DLG1: variants seen among roughly 807,000 people sequenced by gnomAD.
DLG1 encodes the protein discs large MAGUK scaffold protein 1, also known as disks large homolog 1.
DLG1 carries 42 observed loss-of-function variants against 123.4 expected under a neutral mutation model. That is an observed-to-expected ratio of 0.34 (90% CI 0.27 to 0.44). The LOEUF (loss-of-function observed/expected upper bound fraction) is 0.44. Among genes scored for constraint, DLG1 ranks in the 20% least tolerant of loss-of-function variants. DLG1 has a pLI of 1.00. For synonymous variants in DLG1, 317 were observed against 356.2 expected, an observed-to-expected ratio of 0.89 and a Z score of 1.24; for missense variants, 942 against 1,082.6, an observed-to-expected ratio of 0.87 and a Z score of 1.82.
chr3:197,104,316 A>G (rs1765147112), intron 14 of DLG1, among the ~76,000 whole-genome samples: 1 of 152,216 alleles, frequency 6.6e-6, no homozygotes, highest in African/African-American at 2.4e-5. Flanking sequence ...TTAAAAAAGT[A>G]AACAGTTAAA....
intron 19 of DLG1, among the ~76,000 whole-genome samples, chr3:197,067,683 A>C (rs950684887): frequency 6.7e-6 from 1 of 149,026 alleles, no homozygotes; most frequent in East Asian, 2.0e-4. Flanking sequence ...TCAGCCTCCC[A>C]AGTAGCTGGG....
chr3:197,081,556 T>C (rs750732039), intron 16 of DLG1, among the ~76,000 whole-genome samples: 5 of 152,252 alleles, frequency 3.3e-5, no homozygotes, highest in Admixed American at 6.5e-5. Context: ...GTTCACTGTA[T>C]ATTGCCGTTT....
At chr3:197,157,426 AG>A (rs1249915165) in intron 5 of DLG1, among the ~76,000 whole-genome samples, 2 of 152,242 alleles carry the variant, frequency 1.3e-5, no homozygotes, top group Non-Finnish European at 2.9e-5. Context: ...TGTTTATTAT[AG>A]CATCGAAAAG....
At chr3:197,297,866 C>T in intron 1 of DLG1, 1 of 985,428 alleles carries the variant, frequency 1.0e-6, no homozygotes, top group Non-Finnish European at 1.2e-6. Context: ...AGCAGCTCCC[C>T]AGCCCGGCCC....
At chr3:197,085,000 T>A (rs1364193946) in intron 16 of DLG1, among the ~76,000 whole-genome samples, 1 of 151,570 alleles carries the variant, frequency 6.6e-6, no homozygotes, top group East Asian at 1.9e-4. Context: ...TTGGCCAGGC[T>A]CGTCTTGAAC....
chr3:197,048,610 A>G (rs190171417), intron 24 of DLG1, among the ~76,000 whole-genome samples: 1 of 152,358 alleles, frequency 6.6e-6, no homozygotes, highest in African/African-American at 2.4e-5. Context: ...GTAAATGAGT[A>G]AAGCCATCAC....
chr3:197,161,555 A>G, intron 5 of DLG1: 1 of 799,068 alleles, frequency 1.3e-6, no homozygotes. Context: ...TACAAAAAAC[A>G]GCTCAAACAG....
chr3:197,157,225 G>T (rs144750831), intron 5 of DLG1, among the ~76,000 whole-genome samples: 35 of 152,220 alleles, frequency 2.3e-4, no homozygotes, highest in Middle Eastern at 6.8e-3. Context: ...AAATTAGAAA[G>T]GAAGAAGCAA....
intron 5 of DLG1, among the ~76,000 whole-genome samples, chr3:197,166,686 T>C (rs1317025901): frequency 6.6e-6 from 1 of 152,102 alleles, no homozygotes; most frequent in Non-Finnish European, 1.5e-5. Flanking sequence ...GGTCAGGAGT[T>C]TGAGACCAGC....
intron 5 of DLG1, chr3:197,183,840 GCTTA>G (rs1451085924): frequency 6.5e-7 from 1 of 1,540,050 alleles, no homozygotes; most frequent in South Asian, 1.2e-5. Context: ...TGCCAAGCAG[GCTTA>G]CTTCTCTACC....
intron 4 of DLG1, among the ~76,000 whole-genome samples, chr3:197,245,807 T>C (rs951951908): frequency 6.6e-6 from 1 of 151,070 alleles, no homozygotes; most frequent in Non-Finnish European, 1.5e-5. Context: ...AAAAAGCAGT[T>C]TGTTTGGCTC....
chr3:197,127,427 A>C (rs1779739698), intron 11 of DLG1, among the ~76,000 whole-genome samples: 1 of 40,128 alleles, frequency 2.5e-5, no homozygotes, highest in Non-Finnish European at 4.2e-5. Flanking sequence ...TGTCTCCAAA[A>C]AAAAAAAAAA....
intron 5 of DLG1, among the ~76,000 whole-genome samples, chr3:197,150,304 A>T (rs575097248): frequency 1.3e-5 from 2 of 152,260 alleles, no homozygotes; most frequent in East Asian, 3.9e-4. Context: ...TAAAAACCCG[A>T]TTATTTTCAG....
chr3:197,136,625 T>A lies in DLG1; in HGVS notation c.937A>T (p.Asn313Tyr). The A allele has an allele frequency of 6.2e-7, 1 of 1,613,542 alleles. No individual in the cohort carries two copies. Among genetic ancestry groups the A allele is most frequent in the South Asian group, 1.1e-5 (1 of 91,044 alleles). Reference sequence around the variant, plus strand: ...ATTATTTTGGTTACATAGATGCTATTATCCCCAGGAATATGCTGATTTCCA... The same window carrying A: ...ATTATTTTGGTTACATAGATGCTATAATCCCCAGGAATATGCTGATTTCCA... ...GVGNQHIPGD[N>Y]SIYVTKIIEG... Residue 313 changes from asparagine to tyrosine, a missense_variant, in exon 10 of 25, where the codon AAT becomes TAT. Coordinates refer to ENST00000667157, the MANE Select transcript of DLG1 (RefSeq NM_001366207.1).
At chr3:197,276,334 T>C (rs915957680) in intron 4 of DLG1, among the ~76,000 whole-genome samples, 1 of 152,244 alleles carries the variant, frequency 6.6e-6, no homozygotes, top group Admixed American at 6.5e-5. Context: ...CTGGAGCATA[T>C]GCTGGATCAA....
chr3:197,112,572 T>C (rs1051564075), intron 13 of DLG1, among the ~76,000 whole-genome samples: 2 of 152,118 alleles, frequency 1.3e-5, no homozygotes, highest in Admixed American at 1.3e-4. Context: ...ACTGTGTGGC[T>C]TGCCTATTTG....
chr3:197,285,410 C>A (rs1029010873), intron 3 of DLG1, among the ~76,000 whole-genome samples: 1 of 151,650 alleles, frequency 6.6e-6, no homozygotes, highest in African/African-American at 2.4e-5. Context: ...TAACATAATA[C>A]CGGTGACATT....
intron 4 of DLG1, among the ~76,000 whole-genome samples, chr3:197,262,791 A>C (rs1474161354): frequency 1.3e-5 from 2 of 152,234 alleles, no homozygotes; most frequent in East Asian, 1.9e-4. Flanking sequence ...ACCTCCTCAC[A>C]CATCTAGTCA....
rs559126200 is a variant in DLG1 at position 197,125,895 on chromosome 3, T to C, written c.1165+4632A>G. On this transcript the variant is annotated intron_variant, in intron 11 of 24. Transcript: ENST00000667157. ...AACACCAGATCACCACAGCCAGGGATAGAGAGTAAGCTGAATAGCCTGACA... is the reference window on the plus strand; with the variant it reads ...AACACCAGATCACCACAGCCAGGGACAGAGAGTAAGCTGAATAGCCTGACA... Among the ~76,000 whole-genome samples the C allele has an allele frequency of 1.6e-4, 24 of 152,184 alleles. 1 individual carries two copies. The East Asian group carries it at 3.9e-3, about 25-fold the overall frequency.
Sources: allele counts gnomAD v4.1 joint callset (sites outside exome capture counted in the v4.1 genomes callset), GRCh38; gene constraint gnomAD v4.1.1; transcripts MANE v1.5; gene names NCBI Gene and HGNC (gene_info 2026-07-23, HGNC 2026-07-21).